Variants in ZHX3 observed in about 807,000 individuals in gnomAD.
ZHX3 encodes zinc fingers and homeoboxes 3, also known as zinc fingers and homeoboxes protein 3.
Under a neutral mutation model 64.5 loss-of-function variants are expected in ZHX3, and 20 were observed. The observed-to-expected ratio is 0.31, with a 90% CI of 0.22 to 0.45. ZHX3 has a LOEUF of 0.45. Among genes scored for constraint, ZHX3 ranks in the 20% least tolerant of loss-of-function variants. ZHX3 has a pLI of 1.00. For synonymous variants in ZHX3, 423 were observed against 461.6 expected, an observed-to-expected ratio of 0.92 and a Z score of 1.07; for missense variants, 1,041 against 1,195.8, an observed-to-expected ratio of 0.87 and a Z score of 1.91.
At chr20:41,238,837 C>G (rs1471538460) in intron 2 of ZHX3, 1 of 151,966 alleles carries the variant, frequency 6.6e-6, no homozygotes, top group Non-Finnish European at 1.5e-5. Context: ...CTATTAAGCA[C>G]CATTTGGATT....
chr20:41,259,296 C>T (rs1219961414), intron 2 of ZHX3, among the ~76,000 whole-genome samples: 3 of 152,174 alleles, frequency 2.0e-5, no homozygotes, highest in African/African-American at 7.2e-5. Context: ...ATTGTACACA[C>T]GACATTTTGC....
At chr20:41,264,727 G>A (rs1192828454) in intron 2 of ZHX3, among the ~76,000 whole-genome samples, 1 of 152,034 alleles carries the variant, frequency 6.6e-6, no homozygotes, top group Non-Finnish European at 1.5e-5. Context: ...TAAAAGAAAC[G>A]GAAAGAGAGA....
At chr20:41,245,844 C>T (rs141765987) in intron 2 of ZHX3, among the ~76,000 whole-genome samples, 1 of 152,264 alleles carries the variant, frequency 6.6e-6, no homozygotes, top group Non-Finnish European at 1.5e-5. Context: ...ACTTTTCTAC[C>T]TTGAAAACAC....
chr20:41,278,127 G>C lies in ZHX3; in HGVS notation c.-244-9044C>G, dbSNP rs1278135991. 1.5e-5 allele frequency among the ~76,000 whole-genome samples: 2 copies of C among 137,792 alleles called. 1 individual carries two copies. Among genetic ancestry groups the C allele is most frequent in the African/African-American group, 5.5e-5 (2 of 36,584 alleles). The allele number at this position is 137,792 out of a possible 152,430, so 90.4% of individuals were successfully genotyped here. Reference sequence around the variant, plus strand: ...GGAGGTCGAGGTGGGCAGATCACTTGAGGCCAGGAATTCGAGACTAGCCTG... The same window carrying C: ...GGAGGTCGAGGTGGGCAGATCACTTCAGGCCAGGAATTCGAGACTAGCCTG... On this transcript the variant is annotated intron_variant, in intron 1 of 3. Transcript: ENST00000683867.
intron 1 of ZHX3, among the ~76,000 whole-genome samples, chr20:41,270,772 TC>T (rs2043106542): frequency 6.6e-6 from 1 of 152,138 alleles, no homozygotes; most frequent in East Asian, 1.9e-4. Flanking sequence ...GTCTCATCCA[TC>T]TATTTCACTT....
Position 41,203,077 on chromosome 20 carries a change from T to C in ZHX3, c.1840A>G (p.Thr614Ala). The C allele has an allele frequency of 1.2e-6, 2 of 1,614,022 alleles. No individual in the cohort carries two copies. Among genetic ancestry groups the C allele is most frequent in the Non-Finnish European group, 1.7e-6 (2 of 1,180,006 alleles). ...TCAGGGGCTCTCTCCTTGTATTTGG[T>C]TGGTGTGAAGTCAGGAGTCTGGTGC... ...SWHQTPDFTP[T>A]KYKERAPEQL... The change falls in exon 3 of 4, where the codon ACC (threonine) becomes GCC (alanine). Residue 614 changes from threonine (T) to alanine (A), a missense_variant. Thr to Ala is a moderately conservative substitution (Grantham distance 58). Around this residue, in one of 4 missense-constraint regions of ZHX3, gnomAD observed 649 missense variants for 739.8 expected, o/e 0.88. Coordinates refer to ENST00000683867, the MANE Select transcript of ZHX3 (RefSeq NM_001384317.1). The surrounding 1 kb of genome is among the most constrained non-coding windows in gnomAD (Gnocchi z 7.1).
chr20:41,207,375 A>C (rs1398973425), intron 2 of ZHX3, among the ~76,000 whole-genome samples: 1 of 152,206 alleles, frequency 6.6e-6, no homozygotes, highest in Non-Finnish European at 1.5e-5. Flanking sequence ...CTCCACCCCA[A>C]ATGAACAGAA....
At chr20:41,209,831 C>A (rs2039020060) in intron 2 of ZHX3, among the ~76,000 whole-genome samples, 1 of 152,128 alleles carries the variant, frequency 6.6e-6, no homozygotes, top group South Asian at 2.1e-4. Context: ...CAACAAAAGA[C>A]AAAATTGACA....
intron 2 of ZHX3, among the ~76,000 whole-genome samples, chr20:41,215,353 G>A (rs2039444472): frequency 6.6e-6 from 1 of 152,156 alleles, no homozygotes; most frequent in Non-Finnish European, 1.5e-5. Context: ...TTTGGGAATT[G>A]GTAATTGCTC....
intron 1 of ZHX3, among the ~76,000 whole-genome samples, chr20:41,315,346 CTTTTTTTTTTTT>C (rs11471425): frequency 1.8e-5 from 1 of 56,044 alleles, no homozygotes; most frequent in African/African-American, 9.6e-5. Flanking sequence ...CCAGGCCTGG[CTTTTTTTTTTTT>C]TTTTTTTTTT....
chr20:41,255,213 GCC>G (rs2042186185), intron 2 of ZHX3, among the ~76,000 whole-genome samples: 2 of 152,016 alleles, frequency 1.3e-5, no homozygotes, highest in Non-Finnish European at 1.5e-5. Flanking sequence ...GTGCAGTGGC[GCC>G]ATCTCGGCTC....
chr20:41,245,055 C>G (rs1230809451), intron 2 of ZHX3, among the ~76,000 whole-genome samples: 1 of 152,116 alleles, frequency 6.6e-6, no homozygotes, highest in Non-Finnish European at 1.5e-5. Context: ...CAAGGTAAAG[C>G]TGAGGCTGGG....
At chr20:41,274,805 A>G (rs2043305189) in intron 1 of ZHX3, among the ~76,000 whole-genome samples, 2 of 152,216 alleles carry the variant, frequency 1.3e-5, no homozygotes, top group African/African-American at 4.8e-5. Flanking sequence ...CTGTCAATGT[A>G]TAAGCTACAT....
intron 1 of ZHX3, among the ~76,000 whole-genome samples, chr20:41,315,327 C>A (rs1219861746): frequency 6.9e-6 from 1 of 145,460 alleles, no homozygotes; most frequent in Admixed American, 6.9e-5. Flanking sequence ...GGATTACAGG[C>A]ACGCACCACC....
chr20:41,310,120 G>A (rs566428317), intron 1 of ZHX3, among the ~76,000 whole-genome samples: 3 of 152,176 alleles, frequency 2.0e-5, no homozygotes, highest in Admixed American at 6.5e-5. Flanking sequence ...CAGTTCCTCT[G>A]CTCCACTGTC....
intron 3 of ZHX3, among the ~76,000 whole-genome samples, chr20:41,196,101 A>G (rs2037462387): frequency 6.6e-6 from 1 of 150,788 alleles, no homozygotes; most frequent in African/African-American, 2.4e-5. Context: ...TATTTGGTCT[A>G]ATTTGCTTAG....
At chr20:41,241,788 T>G (rs866637893) in intron 2 of ZHX3, among the ~76,000 whole-genome samples, 1 of 152,226 alleles carries the variant, frequency 6.6e-6, no homozygotes, top group Non-Finnish European at 1.5e-5. Flanking sequence ...GTGAAGAATG[T>G]CATTCATATT....
chr20:41,271,832 A>G (rs1278109576), intron 1 of ZHX3: 5 of 152,102 alleles, frequency 3.3e-5, no homozygotes, highest in Non-Finnish European at 5.9e-5. Context: ...TCTGAATACA[A>G]TTTTCTTATT....
rs1480016935 is a variant in ZHX3 at position 41,254,166 on chromosome 20, G to A, written c.-151+14824C>T. ...GAGGAAGAAAACTTTAATGCCATGA[G>A]GGGGACACTGCAAAAATAAAAATAA... On this transcript the variant is annotated intron_variant, in intron 2 of 3. Coordinates refer to ENST00000683867, the MANE Select transcript of ZHX3 (RefSeq NM_001384317.1). 2.6e-5 allele frequency among the ~76,000 whole-genome samples: 4 copies of A among 152,074 alleles called. No homozygotes were observed. In the East Asian group the frequency reaches 7.7e-4, roughly 29 times the overall value.
Sources: allele counts gnomAD v4.1 joint callset (sites outside exome capture counted in the v4.1 genomes callset), GRCh38; gene constraint gnomAD v4.1.1; regional missense constraint gnomAD v4.1.1; non-coding constraint Gnocchi (gnomAD v3.1); transcripts MANE v1.5; gene names NCBI Gene and HGNC (gene_info 2026-07-23, HGNC 2026-07-21).